SRPK1: variants seen among roughly 807,000 people sequenced by gnomAD.
The protein encoded by SRPK1 is SRSF protein kinase 1.
A neutral mutation model predicts 89.5 loss-of-function variants in SRPK1; 52 were observed. That is an observed-to-expected ratio of 0.58 (90% CI 0.46 to 0.73). SRPK1 has a LOEUF of 0.73. SRPK1 is among the 30% of genes least tolerant of loss of function. The pLI, the probability that SRPK1 is intolerant of heterozygous loss-of-function variation, is 0.00. For missense variants in SRPK1, 603 were observed against 780.6 expected (o/e 0.77, Z 2.71); for synonymous variants, 255 against 270.2 (o/e 0.94, Z 0.55).
At chr6:35,857,906 C>G (rs1027867678) in intron 12 of SRPK1, among the ~76,000 whole-genome samples, 2 of 152,116 alleles carry the variant, frequency 1.3e-5, no homozygotes, top group African/African-American at 4.8e-5. Context: ...CTTTGAAGCC[C>G]TGGTGTATAC....
rs777044045 is a variant in SRPK1, at chr6:35,869,848, C to T, written c.1045G>A (p.Gly349Ser). 3 of 1,606,852 alleles carry T rather than the reference C, an allele frequency of 1.9e-6. No individual in the cohort carries two copies. Among genetic ancestry groups the T allele is most frequent in the Admixed American group, 1.7e-5 (1 of 59,132 alleles). Residue 349 changes from glycine (G) to serine (S), a missense_variant, in exon 11 of 16, where the codon GGT (glycine) becomes AGT (serine). Coordinates refer to ENST00000373825, the MANE Select transcript of SRPK1 (RefSeq NM_003137.5). ...DQTLMERDTE[G>S]GAAEINCNGV... is the part of the protein sequence containing the mutation. ...TTGCAATTAATTTCTGCTGCACCAC[C>T]CTCTGTATCACGTTCCATAAGCGTT...
chr6:35,854,585 G>A (rs1377696014), intron 13 of SRPK1, among the ~76,000 whole-genome samples: 1 of 152,110 alleles, frequency 6.6e-6, no homozygotes, highest in Non-Finnish European at 1.5e-5. Flanking sequence ...ATGTGAGTGG[G>A]TCCAGAACTA....
rs1284530924 is a variant in SRPK1 at position 35,915,992 on chromosome 6, AT to A, written c.74+4475del. On this transcript the variant is annotated intron_variant, in intron 2 of 15. Coordinates refer to ENST00000373825, the MANE Select transcript of SRPK1 (RefSeq NM_003137.5). ...GTCTCAAAAACAAAAAAAAAAAAAAATATATACACACACACACACACACACA... is the reference window on the plus strand; with the variant it reads ...GTCTCAAAAACAAAAAAAAAAAAAAAATATACACACACACACACACACACA... Among the ~76,000 whole-genome samples the A allele has an allele frequency of 7.9e-3, 493 of 62,152 alleles. 14 individuals carry two copies. Among genetic ancestry groups the A allele is most frequent in the Middle Eastern group, 0.062 (10 of 162 alleles). The allele number at this position is 62,152 out of a possible 152,430, so 40.8% of individuals were successfully genotyped here. A position where few individuals can be genotyped will look rare whatever the true frequency, so the allele number is the denominator to read the frequency against.
intron 2 of SRPK1, among the ~76,000 whole-genome samples, chr6:35,916,242 A>AATTAATTAATT (rs1562000602): frequency 6.8e-6 from 1 of 148,034 alleles, no homozygotes; most frequent in African/African-American, 2.5e-5. Flanking sequence ...ATAAATAAAT[A>AATTAATTAATT]AATTAATTAA....
At chr6:35,865,850 C>T (rs1769885562) in intron 12 of SRPK1, among the ~76,000 whole-genome samples, 1 of 151,782 alleles carries the variant, frequency 6.6e-6, no homozygotes, top group Non-Finnish European at 1.5e-5. Flanking sequence ...CCTCAGGCAA[C>T]AAAAATAAAA....
At chr6:35,839,408 A>G (rs931072590) in intron 14 of SRPK1, among the ~76,000 whole-genome samples, 2 of 152,262 alleles carry the variant, frequency 1.3e-5, no homozygotes, top group Non-Finnish European at 2.9e-5. Flanking sequence ...AACTCAGATG[A>G]AAACCAATGA....
At chr6:35,853,859 C>T (rs539156780) in intron 13 of SRPK1, among the ~76,000 whole-genome samples, 34 of 151,640 alleles carry the variant, frequency 2.2e-4, no homozygotes, top group Non-Finnish European at 4.1e-4. Flanking sequence ...TATGGTCCTA[C>T]CTGTCCTGAC....
At chr6:35,867,411 G>GT (rs1181271950) in intron 12 of SRPK1, among the ~76,000 whole-genome samples, 1 of 152,226 alleles carries the variant, frequency 6.6e-6, no homozygotes. Flanking sequence ...AATATGGGAA[G>GT]TAAGATCCTT....
chr6:35,851,594 G>A (rs1223650721), intron 13 of SRPK1, among the ~76,000 whole-genome samples: 1 of 152,166 alleles, frequency 6.6e-6, no homozygotes, highest in Non-Finnish European at 1.5e-5. Context: ...TAGTCTGAAT[G>A]GCTGGGTGAA....
intron 14 of SRPK1, chr6:35,838,780 A>G (rs1433771621): frequency 7.2e-7 from 1 of 1,381,690 alleles, no homozygotes; most frequent in Non-Finnish European, 9.7e-7. Flanking sequence ...TATCAGCTCT[A>G]TAATGTGCAC....
rs1225674375 is a variant in SRPK1, at chr6:35,876,918, AG to A, written c.479-2580del. ...GGGAGCTGAGAGTCTGGAGAGACCA[AG>A]GCAGCTATAATTCACTGAAAAAGGT... On this transcript the variant is annotated intron_variant, in intron 6 of 15. Coordinates refer to ENST00000373825, the MANE Select transcript of SRPK1 (RefSeq NM_003137.5). 2.6e-5 allele frequency among the ~76,000 whole-genome samples: 4 copies of A among 152,178 alleles called. No homozygotes were observed. In the South Asian group the frequency reaches 8.3e-4, roughly 31 times the overall value.
At chr6:35,864,517 T>C (rs1769852875) in intron 12 of SRPK1, among the ~76,000 whole-genome samples, 1 of 152,140 alleles carries the variant, frequency 6.6e-6, no homozygotes, top group Admixed American at 6.5e-5. Flanking sequence ...CCAGTTAAAA[T>C]GGCTTACGTC....
chr6:35,891,892 T>C (rs1052076811), intron 2 of SRPK1, among the ~76,000 whole-genome samples: 9 of 152,214 alleles, frequency 5.9e-5, no homozygotes, highest in Non-Finnish European at 1.5e-5. Flanking sequence ...ATTATTTCCC[T>C]AAAATTAAAC....
intron 2 of SRPK1, among the ~76,000 whole-genome samples, chr6:35,914,986 G>C (rs568236180): frequency 3.3e-5 from 5 of 152,170 alleles, no homozygotes; most frequent in African/African-American, 1.2e-4. Context: ...TCCAGAAGCA[G>C]GGTTTCACTG....
intron 2 of SRPK1, among the ~76,000 whole-genome samples, chr6:35,896,455 G>A (rs1354986688): frequency 6.6e-6 from 1 of 152,108 alleles, no homozygotes; most frequent in Non-Finnish European, 1.5e-5. Context: ...TGTTGGTGAA[G>A]AAGTGAAAAA....
At chr6:35,904,655 T>G (rs1313912565) in intron 2 of SRPK1, among the ~76,000 whole-genome samples, 1 of 151,176 alleles carries the variant, frequency 6.6e-6, no homozygotes, top group Non-Finnish European at 1.5e-5. Context: ...AAAAATTAGC[T>G]GGGCATGGTG....
At chr6:35,836,692 T>C (rs1485223625) in intron 15 of SRPK1, among the ~76,000 whole-genome samples, 5 of 151,454 alleles carry the variant, frequency 3.3e-5, no homozygotes, top group Non-Finnish European at 7.4e-5. Flanking sequence ...GAGGTGGAGG[T>C]TGCAGTGAGC....
chr6:35,864,783 G>GA (rs1769858812), intron 12 of SRPK1, among the ~76,000 whole-genome samples: 1 of 152,174 alleles, frequency 6.6e-6, no homozygotes, highest in Non-Finnish European at 1.5e-5. Flanking sequence ...AGATTTGGAA[G>GA]CAACCTAAGT....
chr6:35,887,770 A>G (rs1770440466), intron 5 of SRPK1: 1 of 317,932 alleles, frequency 3.1e-6, no homozygotes, highest in East Asian at 5.0e-5. Context: ...CTCAGTGAAT[A>G]TTTTTATTCA....
Sources: gnomAD v4.1 joint callset for allele counts (sites outside exome capture counted in the v4.1 genomes callset) on GRCh38, gnomAD v4.1.1 for gene constraint, MANE v1.5 for transcripts, NCBI Gene and HGNC (gene_info 2026-07-23, HGNC 2026-07-21) for gene names.